LIPC: variants seen among roughly 807,000 people sequenced by gnomAD.
The protein encoded by LIPC is hepatic triacylglycerol lipase.
A neutral mutation model predicts 50.7 loss-of-function variants in LIPC; 44 were observed. The observed-to-expected ratio is 0.87, with a 90% CI of 0.68 to 1.11. The LOEUF (loss-of-function observed/expected upper bound fraction) is 1.11, where lower values mean the gene tolerates loss of function less well. Ranked by LOEUF, LIPC falls within the 50% of genes most tolerant of loss-of-function variation. The probability of loss-of-function intolerance (pLI) is 0.00; values close to 1 mark genes in which losing one functional copy is unlikely to be tolerated. For missense variants in LIPC, 697 were observed against 648.2 expected, an observed-to-expected ratio of 1.08 and a Z score of -0.82; for synonymous variants, 271 against 256.4, an observed-to-expected ratio of 1.06 and a Z score of -0.54.
At chr15:58,529,196 G>T (rs1303413755) in intron 1 of LIPC, among the ~76,000 whole-genome samples, 5 of 152,194 alleles carry the variant, frequency 3.3e-5, no homozygotes, top group African/African-American at 1.2e-4. Flanking sequence ...GGATTAATTT[G>T]CCAATCAAAA....
At chr15:58,448,334 C>G in intron 1 of LIPC, among the ~76,000 whole-genome samples, 1 of 152,230 alleles carries the variant, frequency 6.6e-6, no homozygotes, top group Non-Finnish European at 1.5e-5. Context: ...GTTATGTCCC[C>G]ATCAGGGTCC....
At chr15:58,565,306 C>G in intron 8 of LIPC, 1 of 1,535,498 alleles carries the variant, frequency 6.5e-7, no homozygotes, top group Non-Finnish European at 8.7e-7. Context: ...CCCAGATGCT[C>G]TTAGCTGGAG....
chr15:58,561,076 A>T (rs1894145053), intron 7 of LIPC, 95 bp downstream of exon 7: 6 of 782,390 alleles, frequency 7.7e-6, no homozygotes, highest in Non-Finnish European at 1.4e-5. Flanking sequence ...CAGGCCAGCT[A>T]CAACTACTTT....
intron 1 of LIPC, among the ~76,000 whole-genome samples, chr15:58,537,242 C>G (rs987022274): frequency 6.6e-6 from 1 of 152,168 alleles, no homozygotes; most frequent in Admixed American, 6.5e-5. Flanking sequence ...CAGAGGTGTC[C>G]GTCTCTGGTG....
chr15:58,538,122 G>A (rs1318526176), intron 1 of LIPC, among the ~76,000 whole-genome samples: 3 of 152,126 alleles, frequency 2.0e-5, no homozygotes, highest in Non-Finnish European at 4.4e-5. Context: ...TAGAGGATCT[G>A]GTGATCTCAA....
At chr15:58,567,249 G>GTGTGTA (rs749635995) in intron 8 of LIPC, among the ~76,000 whole-genome samples, 12 of 108,832 alleles carry the variant, frequency 1.1e-4, no homozygotes, top group South Asian at 2.8e-4. Context: ...GTGTGTGTGT[G>GTGTGTA]TATATATATA....
chr15:58,507,574 C>T (rs1339752250), intron 1 of LIPC, among the ~76,000 whole-genome samples: 2 of 152,174 alleles, frequency 1.3e-5, no homozygotes, highest in African/African-American at 2.4e-5. Context: ...CTAAAGTGGT[C>T]CCTCTTATAA....
At chr15:58,542,405 G>A in intron 3 of LIPC, 129 bp from the exon 4 acceptor site, 2 of 755,646 alleles carry the variant, frequency 2.6e-6, no homozygotes, top group Non-Finnish European at 4.8e-6. Context: ...TTTCAGTTTG[G>A]AGTGTGAATA....
chr15:58,471,328 T>TGTGG (rs1555399294), intron 1 of LIPC, among the ~76,000 whole-genome samples: 1 of 114,238 alleles, frequency 8.8e-6, no homozygotes, highest in Admixed American at 9.0e-5. Context: ...TTAGTAGAGA[T>TGTGG]GGGGGGGGGT....
chr15:58,445,855 C>G (rs1413508080), intron 1 of LIPC, among the ~76,000 whole-genome samples: 3 of 152,232 alleles, frequency 2.0e-5, no homozygotes, highest in South Asian at 4.1e-4. Flanking sequence ...CTATCCATTG[C>G]TGGTCACAAA....
intron 8 of LIPC, chr15:58,565,297 C>G: frequency 6.5e-7 from 1 of 1,535,578 alleles, no homozygotes; most frequent in Non-Finnish European, 8.7e-7. Flanking sequence ...CTGACCCTGC[C>G]CAGATGCTCT....
At chr15:58,445,803 T>C (rs552340824) in intron 1 of LIPC, among the ~76,000 whole-genome samples, 1 of 152,334 alleles carries the variant, frequency 6.6e-6, no homozygotes, top group Admixed American at 6.5e-5. Flanking sequence ...CTGGGCTGTT[T>C]TGAGGGTGAA....
At chr15:58,445,022 G>A (rs1211551714) in intron 1 of LIPC, among the ~76,000 whole-genome samples, 2 of 152,246 alleles carry the variant, frequency 1.3e-5, no homozygotes, top group Non-Finnish European at 2.9e-5. Context: ...CAGGGGGCCT[G>A]TGCTGAAAGG....
At chr15:58,526,458 G>T (rs1314830739) in intron 1 of LIPC, among the ~76,000 whole-genome samples, 1 of 152,162 alleles carries the variant, frequency 6.6e-6, no homozygotes, top group Non-Finnish European at 1.5e-5. Flanking sequence ...AGCCAAGTAG[G>T]CTCCAGAGCT....
chr15:58,447,145 C>G (rs1279199032), intron 1 of LIPC, among the ~76,000 whole-genome samples: 1 of 45,484 alleles, frequency 2.2e-5, no homozygotes, highest in Non-Finnish European at 3.9e-5. Context: ...TAGACTCCAT[C>G]TCAAAAAAAA....
chr15:58,541,696 C>A (rs1387487667), intron 2 of LIPC, 89 bp from the exon 3 acceptor site: 16 of 1,323,164 alleles, frequency 1.2e-5, no homozygotes, highest in East Asian at 9.7e-5. Context: ...GCAAGCCCTT[C>A]CTCCAGCATT....
chr15:58,548,555 C>A lies in LIPC; in HGVS notation c.1034C>A (p.Ala345Asp). Residue 345 changes from alanine to aspartate, a missense_variant, in exon 6 of 9, where the codon GCC becomes GAC. By Grantham distance (126) the Ala-to-Asp change is moderately radical. Transcript: ENST00000299022. ...AAGAGGCTCTTCCTCGTAACGCGAG[C>A]CCAGTCCCCCTTCAAAGGTGAGTGT... ...KSKRLFLVTR[A>D]QSPFKVYHYQ... The A allele has an allele frequency of 1.9e-6, 3 of 1,591,846 alleles. No homozygotes were observed. Among genetic ancestry groups the A allele is most frequent in the South Asian group, 2.3e-5 (2 of 87,952 alleles).
chr15:58,535,190 A>G (rs1485517854), intron 1 of LIPC, among the ~76,000 whole-genome samples: 1 of 152,084 alleles, frequency 6.6e-6, no homozygotes, highest in Non-Finnish European at 1.5e-5. Flanking sequence ...CACAGCAACC[A>G]CTTTTAATAG....
intron 8 of LIPC, chr15:58,565,328 A>G (rs2140960251): frequency 6.5e-7 from 1 of 1,533,950 alleles, no homozygotes; most frequent in African/African-American, 1.4e-5. Context: ...GTAATTCCTC[A>G]GTTTAGGTGG....
Sources: allele counts gnomAD v4.1 joint callset (sites outside exome capture counted in the v4.1 genomes callset), GRCh38; gene constraint gnomAD v4.1.1; transcripts MANE v1.5; gene names NCBI Gene and HGNC (gene_info 2026-07-23, HGNC 2026-07-21).